The following CACNA1A variants were observed in gnomAD, a reference collection of about 807,000 sequenced individuals.
CACNA1A encodes the protein voltage-dependent P/Q-type calcium channel subunit alpha-1A.
In CACNA1A, 57 loss-of-function variants were observed where a neutral mutation model predicts 262.4. The ratio of observed to expected loss-of-function variants is 0.22; its 90% confidence interval spans 0.18 to 0.27. The LOEUF is 0.27. Ranked by LOEUF, CACNA1A falls within the 10% of genes least tolerant of loss-of-function variation. The pLI, the probability that CACNA1A is intolerant of heterozygous loss-of-function variation, is 1.00. For missense variants in CACNA1A, 2,526 were observed against 3,562.8 expected (o/e 0.71, Z 7.41); for synonymous variants, 1,431 against 1,419.3 (o/e 1.01, Z -0.18).
rs547283956 is a variant in CACNA1A, at chr19:13,408,209, A to C, written c.540-36430T>G. On this transcript the variant is annotated intron_variant, in intron 3 of 46. Transcript: ENST00000360228. ...ATGGCAAAACCCCGTCTCTACAAAAATTACAAGAATTAGCCTGGCGTGGTG... is the reference window on the plus strand; with the variant it reads ...ATGGCAAAACCCCGTCTCTACAAAACTTACAAGAATTAGCCTGGCGTGGTG... Among the ~76,000 whole-genome samples the C allele has an allele frequency of 3.3e-5, 5 of 152,164 alleles. No individual in the cohort carries two copies. The South Asian group carries it at 1.0e-3, about 32-fold the overall frequency.
chr19:13,365,105 T>C (rs551205939), intron 5 of CACNA1A: 34 of 409,724 alleles, frequency 8.3e-5, no homozygotes, highest in Admixed American at 4.3e-4. Context: ...AAATAAACTC[T>C]TTCTCTGCTG....
chr19:13,403,739 C>A (rs925377286), intron 3 of CACNA1A, among the ~76,000 whole-genome samples: 17 of 151,788 alleles, frequency 1.1e-4, no homozygotes, highest in African/African-American at 3.4e-4. Context: ...AGTTCTAGAC[C>A]AGCCTGGGTA....
At chr19:13,422,142 G>A (rs187901451) in intron 3 of CACNA1A, among the ~76,000 whole-genome samples, 1 of 152,026 alleles carries the variant, frequency 6.6e-6, no homozygotes, top group African/African-American at 2.4e-5. Context: ...GAAACATAGT[G>A]AGAACCCATC....
At chr19:13,468,472 C>T (rs1368696219) in intron 1 of CACNA1A, among the ~76,000 whole-genome samples, 1 of 152,148 alleles carries the variant, frequency 6.6e-6, no homozygotes, top group Non-Finnish European at 1.5e-5. Context: ...TCTACACAGT[C>T]CATCTACTTC....
intron 40 of CACNA1A, chr19:13,213,880 C>T: frequency 5.0e-6 from 1 of 198,912 alleles, no homozygotes; most frequent in Middle Eastern, 2.2e-3. Flanking sequence ...AGATATGGGT[C>T]TTTCTATGTT....
intron 15 of CACNA1A, chr19:13,307,168 G>GC (rs2057921569): frequency 6.6e-6 from 1 of 151,924 alleles, no homozygotes; most frequent in Admixed American, 6.6e-5. Flanking sequence ...TCACTATGTT[G>GC]CCCAGACTTG....
chr19:13,401,407 AT>A (rs940756399), intron 3 of CACNA1A, among the ~76,000 whole-genome samples: 3 of 152,198 alleles, frequency 2.0e-5, no homozygotes, highest in African/African-American at 7.2e-5. Flanking sequence ...GTAGGCTGAT[AT>A]GTAAAGTACT....
intron 4 of CACNA1A, chr19:13,371,475 A>G (rs539165847): frequency 5.0e-5 from 28 of 565,190 alleles, no homozygotes; most frequent in African/African-American, 4.9e-4. Context: ...TAGGTGCTCA[A>G]TAAATGGGTG....
chr19:13,408,871 T>C (rs1455727699), intron 3 of CACNA1A, among the ~76,000 whole-genome samples: 1 of 152,040 alleles, frequency 6.6e-6, no homozygotes, highest in Non-Finnish European at 1.5e-5. Flanking sequence ...CTCGATTGTG[T>C]TGTAGGATGA....
chr19:13,434,746 CT>C, intron 3 of CACNA1A, among the ~76,000 whole-genome samples: 1 of 152,182 alleles, frequency 6.6e-6, no homozygotes, highest in East Asian at 1.9e-4. Flanking sequence ...AATTAAACCT[CT>C]TTTCTTTATA....
intron 4 of CACNA1A, chr19:13,366,428 C>A (rs1021143255): frequency 2.6e-5 from 4 of 152,112 alleles, no homozygotes; most frequent in Non-Finnish European, 5.9e-5. Context: ...GCGCCCCAGC[C>A]TGAGTGGCAG....
At chr19:13,347,300 G>A (rs562900663) in intron 6 of CACNA1A, among the ~76,000 whole-genome samples, 31 of 151,474 alleles carry the variant, frequency 2.0e-4, no homozygotes, top group Non-Finnish European at 4.1e-4. Context: ...AGGGCTCAAG[G>A]GATCCTCCTG....
intron 3 of CACNA1A, among the ~76,000 whole-genome samples, chr19:13,408,994 A>G (rs1431791276): frequency 6.6e-6 from 1 of 152,166 alleles, no homozygotes; most frequent in Admixed American, 6.5e-5. Flanking sequence ...CTTCATGCTG[A>G]CTGTTTCGGC....
At chr19:13,302,835 C>T (rs1008528548) in intron 17 of CACNA1A, among the ~76,000 whole-genome samples, 2 of 152,228 alleles carry the variant, frequency 1.3e-5, no homozygotes, top group Non-Finnish European at 2.9e-5. Context: ...GCAGATGGAG[C>T]GTTGGCAACG....
In CACNA1A at chr19:13,394,231, G is replaced by A. The variant is rs142642190; in HGVS notation, c.540-22452C>T. Among the ~76,000 whole-genome samples the A allele has an allele frequency of 3.0e-3, 463 of 152,136 alleles. 1 individual carries two copies. The highest frequency in any genetic ancestry group is 4.6e-3 in the Non-Finnish European group (316 of 67,998). On this transcript the variant is annotated intron_variant, in intron 3 of 46. Coordinates refer to ENST00000360228, the MANE Select transcript of CACNA1A (RefSeq NM_001127222.2). The stretch of plus-strand genomic sequence containing the variant: ...GTCAGAGAGGTGGGGTCACTGCTTC[G>A]AGTTCACACAGCTAGCACATGGCTG...
intron 38 of CACNA1A, among the ~76,000 whole-genome samples, chr19:13,221,548 G>C (rs2055232589): frequency 6.6e-6 from 1 of 151,686 alleles, no homozygotes; most frequent in Non-Finnish European, 1.5e-5. Context: ...TGGCAATTGT[G>C]CGCCTGTCTC....
intron 6 of CACNA1A, among the ~76,000 whole-genome samples, chr19:13,357,828 A>G (rs2059032155): frequency 6.6e-6 from 1 of 151,786 alleles, no homozygotes; most frequent in Non-Finnish European, 1.5e-5. Flanking sequence ...ACATAGTGAG[A>G]CCCCATCTCT....
At chr19:13,427,800 A>AACAAACAT (rs2060431135) in intron 3 of CACNA1A, among the ~76,000 whole-genome samples, 1 of 150,268 alleles carries the variant, frequency 6.7e-6, no homozygotes, top group African/African-American at 2.5e-5. Flanking sequence ...CAAACAAACA[A>AACAAACAT]ACAAACATAC....
intron 36 of CACNA1A, among the ~76,000 whole-genome samples, chr19:13,229,529 C>T (rs925626860): frequency 3.3e-5 from 5 of 152,154 alleles, no homozygotes; most frequent in Admixed American, 6.5e-5. Context: ...CAGATGGGAG[C>T]GCCCACTCCC....
Sources: allele counts gnomAD v4.1 joint callset (sites outside exome capture counted in the v4.1 genomes callset), GRCh38; gene constraint gnomAD v4.1.1; transcripts MANE v1.5; gene names NCBI Gene and HGNC (gene_info 2026-07-23, HGNC 2026-07-21).